Variants in FILIP1L observed in about 807,000 individuals in gnomAD.
FILIP1L encodes the protein filamin A interacting protein 1 like.
FILIP1L carries 55 observed loss-of-function variants against 96.6 expected under a neutral mutation model. The ratio of observed to expected loss-of-function variants is 0.57; its 90% CI spans 0.46 to 0.71. The LOEUF is 0.71. Ranked by LOEUF, FILIP1L falls within the 30% of genes least tolerant of loss-of-function variation. The pLI is 0.00. For synonymous variants in FILIP1L, 467 were observed against 473.9 expected (o/e 0.99, Z 0.19); for missense variants, 1,304 against 1,321.2 (o/e 0.99, Z 0.20).
intron 5 of FILIP1L, among the ~76,000 whole-genome samples, chr3:99,835,564 G>A (rs1471010826): frequency 6.6e-6 from 1 of 152,188 alleles, no homozygotes; most frequent in African/African-American, 2.4e-5. Flanking sequence ...TGCCCAGAGA[G>A]CCTGTTAGGA....
chr3:99,886,563 T>TG (rs888721420), intron 4 of FILIP1L, among the ~76,000 whole-genome samples: 165 of 152,068 alleles, frequency 1.1e-3, no homozygotes, highest in African/African-American at 3.5e-3. Flanking sequence ...GCCCAGATTT[T>TG]GGGGGGGTAG....
intron 4 of FILIP1L, among the ~76,000 whole-genome samples, chr3:99,891,170 A>G (rs566441876): frequency 4.6e-5 from 7 of 151,880 alleles, no homozygotes; most frequent in African/African-American, 1.7e-4. Flanking sequence ...TCCCAATGCC[A>G]TAGTTCATGG....
At chr3:99,882,499 A>C (rs1327373343) in intron 4 of FILIP1L, among the ~76,000 whole-genome samples, 1 of 152,246 alleles carries the variant, frequency 6.6e-6, no homozygotes, top group Admixed American at 6.5e-5. Context: ...AGTTTTATTA[A>C]GAAGAATGAT....
At chr3:99,998,121 T>TACTA (rs1392225865) in intron 1 of FILIP1L, among the ~76,000 whole-genome samples, 4 of 152,238 alleles carry the variant, frequency 2.6e-5, no homozygotes, top group African/African-American at 9.6e-5. Flanking sequence ...AATCATAGTG[T>TACTA]ACTACTGAAA....
chr3:100,080,163 A>T (rs2065908873), intron 1 of FILIP1L, among the ~76,000 whole-genome samples: 1 of 152,130 alleles, frequency 6.6e-6, no homozygotes. Flanking sequence ...CTATTTTTTT[A>T]ATAGAGACGG....
chr3:99,876,013 T>A, intron 4 of FILIP1L: 1 of 979,636 alleles, frequency 1.0e-6, no homozygotes, highest in Non-Finnish European at 1.2e-6. Context: ...ACAGACTTGC[T>A]ACCTGGCTGT....
chr3:99,896,288 G>T (rs539974364), intron 4 of FILIP1L, among the ~76,000 whole-genome samples: 60 of 152,162 alleles, frequency 3.9e-4, no homozygotes, highest in Non-Finnish European at 7.5e-4. Context: ...AAAATGACAG[G>T]CATATGCAAA....
intron 5 of FILIP1L, among the ~76,000 whole-genome samples, chr3:99,838,539 G>C (rs1447959604): frequency 1.3e-5 from 2 of 152,224 alleles, no homozygotes; most frequent in Non-Finnish European, 2.9e-5. Flanking sequence ...TGGCAGATCT[G>C]TGAGGTGGAG....
At chr3:99,902,135 A>T (rs1706457034) in intron 4 of FILIP1L, among the ~76,000 whole-genome samples, 2 of 152,322 alleles carry the variant, frequency 1.3e-5, no homozygotes, top group Non-Finnish European at 2.9e-5. Context: ...AATATTCATG[A>T]TGTTATATTA....
At chr3:99,857,864 T>TTA (rs1166711465) in intron 4 of FILIP1L, among the ~76,000 whole-genome samples, 1 of 152,242 alleles carries the variant, frequency 6.6e-6, no homozygotes, top group Admixed American at 6.5e-5. Flanking sequence ...GTTTCTGATG[T>TTA]TATGAATATG....
intron 1 of FILIP1L, among the ~76,000 whole-genome samples, chr3:99,947,670 C>T (rs1462554266): frequency 2.0e-5 from 3 of 152,202 alleles, no homozygotes; most frequent in Admixed American, 6.5e-5. Flanking sequence ...TATTCTACCT[C>T]CCCTCTAAAT....
At position 99,988,511 on chromosome 3, in the gene FILIP1L, C is replaced by CAAA. The variant is rs757175318; in HGVS notation, c.-10-57484_-10-57482dup. Among the ~76,000 whole-genome samples, 473 of 47,720 alleles carry CAAA rather than the reference C, an allele frequency of 9.9e-3. 8 individuals carry two copies. Among genetic ancestry groups the CAAA allele is most frequent in the Non-Finnish European group, 0.012 (278 of 24,044 alleles). 31.3% of individuals were successfully genotyped at this position (47,720 alleles called of 152,430 possible). On this transcript the variant is annotated intron_variant, in intron 1 of 5. Transcript: ENST00000477258. The stretch of plus-strand genomic sequence containing the variant: ...TGGGCGACAGAGCGAGACTCCATCT[C>CAAA]AAAAAAAAAAAAAAAAAAAGAAAGA...
chr3:99,984,404 G>T (rs1709270651), intron 1 of FILIP1L, among the ~76,000 whole-genome samples: 1 of 152,156 alleles, frequency 6.6e-6, no homozygotes, highest in Non-Finnish European at 1.5e-5. Flanking sequence ...GCAGAAACAG[G>T]AGGCACCAGT....
chr3:99,965,798 T>A (rs1452923431), intron 1 of FILIP1L, among the ~76,000 whole-genome samples: 1 of 152,144 alleles, frequency 6.6e-6, no homozygotes, highest in African/African-American at 2.4e-5. Context: ...TAAATGAAAA[T>A]GCTTTATAAA....
chr3:100,076,223 G>T (rs1349743318), intron 1 of FILIP1L, among the ~76,000 whole-genome samples: 1 of 152,158 alleles, frequency 6.6e-6, no homozygotes, highest in Non-Finnish European at 1.5e-5. Context: ...CTCAGTGGAG[G>T]CTTGTCTGTT....
chr3:100,091,717 A>C (rs2066113327), intron 1 of FILIP1L, among the ~76,000 whole-genome samples: 2 of 152,220 alleles, frequency 1.3e-5, no homozygotes, highest in African/African-American at 2.4e-5. Context: ...AATAATGGAA[A>C]ACTAACCATT....
chr3:99,846,096 AT>A, intron 5 of FILIP1L, among the ~76,000 whole-genome samples: 1 of 152,332 alleles, frequency 6.6e-6, no homozygotes, highest in South Asian at 2.1e-4. Flanking sequence ...AATAGCCCAA[AT>A]TTGGCTCCCA....
At chr3:100,036,831 C>T (rs2065116142) in intron 1 of FILIP1L, among the ~76,000 whole-genome samples, 1 of 152,152 alleles carries the variant, frequency 6.6e-6, no homozygotes, top group South Asian at 2.1e-4. Flanking sequence ...AATAGTAGAA[C>T]AAATTGACAT....
chr3:99,930,770 T>C lies in FILIP1L; in HGVS notation c.251A>G (p.Gln84Arg), dbSNP rs762316518. The C allele has an allele frequency of 6.2e-7, 1 of 1,613,204 alleles. No homozygotes were observed. Among genetic ancestry groups the C allele is most frequent in the Admixed American group, 1.7e-5 (1 of 59,966 alleles). ...FLLSILEGEL[Q>R]ARDEVIGILK... ...GGGGATAACTCCAACCCAGCTGACC[T>C]GCAGTTCTCCCTCCAGAATGCTGAG... is the stretch of plus-strand genomic sequence containing the variant. Residue 84 changes from glutamine to arginine, a missense_variant and splice_region_variant, in exon 2 of 6, where the codon CAG (glutamine) becomes CGG (arginine). Transcript: ENST00000477258.
Sources: gnomAD v4.1 joint callset for allele counts (sites outside exome capture counted in the v4.1 genomes callset) on GRCh38, gnomAD v4.1.1 for gene constraint, MANE v1.5 for transcripts, NCBI Gene and HGNC (gene_info 2026-07-23, HGNC 2026-07-21) for gene names.